The following NPLOC4 variants were observed in gnomAD, a reference collection of about 807,000 sequenced individuals.
NPLOC4 encodes NPL4 homolog, ubiquitin recognition factor.
Under a neutral mutation model 80.6 loss-of-function variants are expected in NPLOC4, and 18 were observed. The ratio of observed to expected loss-of-function variants is 0.22; its 90% confidence interval spans 0.15 to 0.33. NPLOC4 has a LOEUF of 0.33. Among genes scored for constraint, NPLOC4 ranks in the 10% least tolerant of loss-of-function variants. NPLOC4 has a pLI of 1.00. For missense variants in NPLOC4, 540 were observed against 786.1 expected, an observed-to-expected ratio of 0.69 and a Z score of 3.74; for synonymous variants, 313 against 301.5, an observed-to-expected ratio of 1.04 and a Z score of -0.39.
At position 81,558,375 on chromosome 17, in the gene NPLOC4, C is replaced by T. The variant is rs1248865695; in HGVS notation, c.*884G>A. ...GGCAGCCTCAGGGCAGGCGCCACCACTGCTCCTGCTCAGCCCGCAGTATCT... is the reference window on the plus strand; with the variant it reads ...GGCAGCCTCAGGGCAGGCGCCACCATTGCTCCTGCTCAGCCCGCAGTATCT... On this transcript the variant is annotated 3_prime_UTR_variant, in exon 17 of 17. Coordinates refer to ENST00000331134, the MANE Select transcript of NPLOC4 (RefSeq NM_017921.4). 6.6e-6 allele frequency: 1 copy of T among 152,264 alleles called. No homozygotes were observed. The highest frequency in any genetic ancestry group is 1.5e-5 in the Non-Finnish European group (1 of 68,086). The allele number at this position is 152,264 out of a possible 1,614,324, so 9.4% of individuals were successfully genotyped here.
At chr17:81,587,674 G>GT (rs34643456) in intron 12 of NPLOC4, among the ~76,000 whole-genome samples, 48,130 of 93,406 alleles carry the variant, frequency 0.52, 14,053 homozygotes, top group Non-Finnish European at 0.62. Flanking sequence ...GAAAAAAGTT[G>GT]TTTTTTTTTT....
chr17:81,619,474 G>A (rs569068555), intron 3 of NPLOC4, among the ~76,000 whole-genome samples: 197 of 150,316 alleles, frequency 1.3e-3, no homozygotes, highest in African/African-American at 4.5e-3. Context: ...GCTTGAACCC[G>A]GGGGGGCAGA....
intron 11 of NPLOC4, among the ~76,000 whole-genome samples, chr17:81,589,729 A>T (rs1056336333): frequency 9.9e-5 from 15 of 151,858 alleles, no homozygotes; most frequent in Admixed American, 7.9e-4. Context: ...GAAAAGGCTC[A>T]GATTACGCCT....
intron 15 of NPLOC4, among the ~76,000 whole-genome samples, chr17:81,566,206 C>T (rs1202671090): frequency 2.6e-5 from 4 of 152,126 alleles, no homozygotes; most frequent in African/African-American, 9.7e-5. Context: ...GTTGCGGGCA[C>T]CTGTAATCCC....
At position 81,589,007 on chromosome 17, in the gene NPLOC4, G is replaced by A. The variant is rs1350842472; in HGVS notation, c.1218C>T (p.Ala406=). The A allele has an allele frequency of 7.4e-6, 12 of 1,613,868 alleles. No homozygotes were observed. The Admixed American group carries it at 1.3e-4, about 18-fold the overall frequency. Residue 406 remains alanine, a synonymous_variant, in exon 12 of 17, where the codon GCC becomes GCT. Transcript: ENST00000331134. ...RDECLLPCKD[A]PELGYAKESS... ...ACTCCTTGGCGTAGCCAAGCTCCGG[G>A]GCGTCCTTGCATGGCAGCAAACACT...
intron 8 of NPLOC4, among the ~76,000 whole-genome samples, chr17:81,601,193 TAAGAA>T (rs948304322): frequency 4.6e-5 from 7 of 152,122 alleles, no homozygotes; most frequent in Non-Finnish European, 8.8e-5. Context: ...ACCCCAGCCA[TAAGAA>T]TAGGAAAGGT....
At chr17:81,595,464 T>TTTTA (rs2034879309) in intron 11 of NPLOC4, among the ~76,000 whole-genome samples, 1 of 147,256 alleles carries the variant, frequency 6.8e-6, no homozygotes, top group Non-Finnish European at 1.5e-5. Flanking sequence ...TTTTTTTTTT[T>TTTTA]GAGATGGAGT....
At chr17:81,627,703 G>A (rs1180688228) in intron 2 of NPLOC4, among the ~76,000 whole-genome samples, 1 of 152,054 alleles carries the variant, frequency 6.6e-6, no homozygotes, top group East Asian at 1.9e-4. Context: ...AGGAGGCAGA[G>A]GCTGCAATGA....
At chr17:81,600,474 G>T in intron 8 of NPLOC4, 47 bp from the exon 9 acceptor site, 1 of 1,471,276 alleles carries the variant, frequency 6.8e-7, no homozygotes, top group East Asian at 2.3e-5. Context: ...AGAGGGCTCA[G>T]GAAGCAGCAC....
intron 8 of NPLOC4, 97 bp downstream of exon 8, chr17:81,604,451 C>T (rs1299319655): frequency 8.8e-6 from 10 of 1,139,648 alleles, no homozygotes; most frequent in South Asian, 4.9e-5. Flanking sequence ...AAAGGGGGAA[C>T]AAACAACAAA....
intron 3 of NPLOC4, among the ~76,000 whole-genome samples, chr17:81,619,789 G>C (rs1006318208): frequency 1.3e-5 from 2 of 150,836 alleles, no homozygotes; most frequent in African/African-American, 4.9e-5. Context: ...TGAGGCAGGA[G>C]AATCGCTTGA....
chr17:81,593,482 A>G (rs1002934175), intron 11 of NPLOC4, among the ~76,000 whole-genome samples: 3 of 152,068 alleles, frequency 2.0e-5, no homozygotes, highest in African/African-American at 7.2e-5. Flanking sequence ...TGTTACAGTT[A>G]GGATACTACT....
chr17:81,570,271 C>G (rs1178417344), intron 13 of NPLOC4, among the ~76,000 whole-genome samples: 1 of 152,238 alleles, frequency 6.6e-6, no homozygotes, highest in Non-Finnish European at 1.5e-5. Flanking sequence ...TCACTTTACT[C>G]TTCCTCAGGA....
At chr17:81,595,501 C>T (rs1156934461) in intron 11 of NPLOC4, among the ~76,000 whole-genome samples, 1 of 146,020 alleles carries the variant, frequency 6.8e-6, no homozygotes, top group Non-Finnish European at 1.5e-5. Flanking sequence ...GGGGAACATC[C>T]TTGTCCATAT....
At chr17:81,619,064 T>G (rs2035588375) in intron 3 of NPLOC4, among the ~76,000 whole-genome samples, 1 of 152,116 alleles carries the variant, frequency 6.6e-6, no homozygotes, top group Non-Finnish European at 1.5e-5. Context: ...ACACAAACAC[T>G]GCGGAAGGCC....
intron 12 of NPLOC4, among the ~76,000 whole-genome samples, chr17:81,582,397 T>C (rs1341094387): frequency 6.6e-6 from 1 of 152,188 alleles, no homozygotes; most frequent in Non-Finnish European, 1.5e-5. Context: ...GTGTTCTGTG[T>C]GTGTATGTAT....
At chr17:81,608,900 G>T (rs527757164) in intron 5 of NPLOC4, 78 bp from the exon 6 acceptor site, 11 of 1,130,302 alleles carry the variant, frequency 9.7e-6, no homozygotes, top group Non-Finnish European at 1.3e-5. Context: ...CTACGCACAG[G>T]GGGAGGCCAG....
intron 4 of NPLOC4, among the ~76,000 whole-genome samples, chr17:81,610,552 A>G (rs1424463553): frequency 6.6e-6 from 1 of 152,158 alleles, no homozygotes; most frequent in Non-Finnish European, 1.5e-5. Flanking sequence ...CTGGGACTCC[A>G]GGTGTACACC....
At chr17:81,586,038 A>G (rs971226398) in intron 12 of NPLOC4, among the ~76,000 whole-genome samples, 2 of 151,968 alleles carry the variant, frequency 1.3e-5, no homozygotes, top group African/African-American at 4.8e-5. Flanking sequence ...TAATCCCAGC[A>G]CTCTGTGAGG....
Sources: allele counts gnomAD v4.1 joint callset (sites outside exome capture counted in the v4.1 genomes callset), GRCh38; gene constraint gnomAD v4.1.1; transcripts MANE v1.5; gene names NCBI Gene and HGNC (gene_info 2026-07-23, HGNC 2026-07-21).